ELF2: variants seen among roughly 807,000 people sequenced by gnomAD.
The protein encoded by ELF2 is E74 like ETS transcription factor 2.
Under a neutral mutation model 54.8 loss-of-function variants are expected in ELF2, and 11 were observed. That is an observed-to-expected ratio of 0.20 (90% CI 0.13 to 0.33). The LOEUF (loss-of-function observed/expected upper bound fraction) is 0.33, where lower values mean the gene tolerates loss of function less well. Among genes scored for constraint, ELF2 ranks in the 10% least tolerant of loss-of-function variants. ELF2 has a pLI of 1.00. For synonymous variants in ELF2, 203 were observed against 245.1 expected (o/e 0.83, Z 1.61); for missense variants, 513 against 703.0 (o/e 0.73, Z 3.06).
intron 1 of ELF2, among the ~76,000 whole-genome samples, chr4:139,161,980 G>T (rs1023882939): frequency 6.6e-6 from 1 of 152,152 alleles, no homozygotes; most frequent in African/African-American, 2.4e-5. Context: ...TGTAGTCCCA[G>T]CTACTCAAGA....
chr4:139,165,220 T>C (rs184716126), intron 1 of ELF2, among the ~76,000 whole-genome samples: 2 of 152,350 alleles, frequency 1.3e-5, no homozygotes, highest in East Asian at 1.9e-4. Context: ...TTCCCATCCA[T>C]GTAACTTTCT....
At chr4:139,095,844 A>G (rs1031214760) in intron 4 of ELF2, among the ~76,000 whole-genome samples, 1 of 152,160 alleles carries the variant, frequency 6.6e-6, no homozygotes, top group Non-Finnish European at 1.5e-5. Flanking sequence ...CAGGAGTTCA[A>G]GATCAGCCTG....
intron 3 of ELF2, among the ~76,000 whole-genome samples, chr4:139,135,761 GTCT>G (rs1416739228): frequency 6.6e-6 from 1 of 152,148 alleles, no homozygotes. Flanking sequence ...TAAGGATATA[GTCT>G]TCTTCTGACT....
chr4:139,125,010 C>T (rs1736776291), intron 4 of ELF2, among the ~76,000 whole-genome samples, 154 bp downstream of exon 4: 1 of 152,160 alleles, frequency 6.6e-6, no homozygotes, highest in African/African-American at 2.4e-5. Context: ...TATATCTACA[C>T]AAATTCCCTT....
At chr4:139,071,314 C>CAT (rs1197118740) in intron 6 of ELF2, among the ~76,000 whole-genome samples, 5 of 151,004 alleles carry the variant, frequency 3.3e-5, no homozygotes, top group African/African-American at 7.3e-5. Context: ...TGATATATAT[C>CAT]ATATATATAT....
chr4:139,161,284 T>C (rs1266912896), intron 1 of ELF2, among the ~76,000 whole-genome samples: 2 of 152,160 alleles, frequency 1.3e-5, no homozygotes, highest in African/African-American at 4.8e-5. Context: ...GAAATAAAAA[T>C]AGGAACATCT....
intron 4 of ELF2, among the ~76,000 whole-genome samples, chr4:139,117,323 T>C (rs1238169933): frequency 6.6e-6 from 1 of 152,226 alleles, no homozygotes; most frequent in African/African-American, 2.4e-5. Context: ...CAACAATCAT[T>C]GTCTCCTTGT....
rs556017423 is a variant in ELF2 at position 139,088,711 on chromosome 4, T to TC, written c.239-15145dup. 2.4e-4 allele frequency among the ~76,000 whole-genome samples: 36 copies of TC among 152,100 alleles called. No individual in the cohort carries two copies. The East Asian group carries it at 6.2e-3, about 26-fold the overall frequency. ...CTCCACTCTCTCCAGAATGGTATTA[T>TC]CCCCCCACTAGGGGGATAAAAGTCC... On this transcript the variant is annotated intron_variant, in intron 4 of 9. Coordinates refer to ENST00000686138, the MANE Select transcript of ELF2 (RefSeq NM_001331036.3).
chr4:139,096,082 G>T (rs1022517216), intron 4 of ELF2, among the ~76,000 whole-genome samples: 1 of 152,136 alleles, frequency 6.6e-6, no homozygotes, highest in Non-Finnish European at 1.5e-5. Context: ...CTGCACTCCA[G>T]CCTGGGCAAC....
intron 4 of ELF2, chr4:139,115,062 C>T: frequency 6.2e-7 from 1 of 1,613,972 alleles, no homozygotes; most frequent in South Asian, 1.1e-5. Context: ...CATCGTCACT[C>T]TCCATGTCCA....
chr4:139,110,967 C>A (rs139324408), intron 4 of ELF2, among the ~76,000 whole-genome samples: 31 of 152,236 alleles, frequency 2.0e-4, no homozygotes, highest in African/African-American at 7.2e-4. Context: ...TAAATTAACA[C>A]TGCTGCCAAT....
At chr4:139,139,567 G>A (rs1738505582) in intron 1 of ELF2, 70 bp from the exon 2 acceptor site, 1 of 803,854 alleles carries the variant, frequency 1.2e-6, no homozygotes, top group Non-Finnish European at 1.6e-6. Flanking sequence ...TCAAACAGAT[G>A]TGATTGAGAT....
At chr4:139,069,819 T>TAG (rs1452335365) in intron 6 of ELF2, among the ~76,000 whole-genome samples, 1 of 152,030 alleles carries the variant, frequency 6.6e-6, no homozygotes, top group East Asian at 1.9e-4. Flanking sequence ...TCCCTTATGG[T>TAG]AGTAAGTACA....
chr4:139,060,699 G>T lies in ELF2; in HGVS notation c.807-25C>A, dbSNP rs371165886. ...TCTGTAAGGGGAAAATGTACCAAAT[G>T]AATCAAGTATATTATTTCTTCACCC... On this transcript the variant is annotated intron_variant, in intron 8 of 9. Transcript: ENST00000686138. The T allele has an allele frequency of 3.2e-6, 5 of 1,543,794 alleles. No individual in the cohort carries two copies. In the Admixed American group the frequency reaches 9.6e-5, roughly 30 times the overall value.
intron 4 of ELF2, among the ~76,000 whole-genome samples, chr4:139,124,042 G>GT (rs1476909831): frequency 6.6e-6 from 1 of 151,654 alleles, no homozygotes; most frequent in African/African-American, 2.4e-5. Flanking sequence ...TGGATGCCTG[G>GT]TTTTTTGTTT....
intron 4 of ELF2, among the ~76,000 whole-genome samples, chr4:139,110,491 T>A (rs1016735517): frequency 2.6e-5 from 4 of 152,230 alleles, no homozygotes; most frequent in Non-Finnish European, 5.9e-5. Context: ...AACCATATCA[T>A]AGACAATCAT....
chr4:139,147,477 AT>A (rs541757941), intron 1 of ELF2, among the ~76,000 whole-genome samples: 5 of 151,530 alleles, frequency 3.3e-5, no homozygotes, highest in East Asian at 1.9e-4. Flanking sequence ...CAGTATGGAG[AT>A]TTTTTTTTGT....
At position 139,092,472 on chromosome 4, in the gene ELF2, A is replaced by AT. The variant is rs202094865; in HGVS notation, c.239-18906dup. Among the ~76,000 whole-genome samples, 551 of 151,194 alleles carry AT rather than the reference A, an allele frequency of 3.6e-3. 3 individuals are homozygous for AT. Among genetic ancestry groups the AT allele is most frequent in the African/African-American group, 0.011 (431 of 40,998 alleles). On this transcript the variant is annotated intron_variant, in intron 4 of 9. Coordinates refer to ENST00000686138, the MANE Select transcript of ELF2 (RefSeq NM_001331036.3). Reference sequence around the variant, plus strand: ...ATAACATAACATAACATAACATAACATAGGGCCGGGCGCGGTGGCTCACAC... The same window carrying AT: ...ATAACATAACATAACATAACATAACATTAGGGCCGGGCGCGGTGGCTCACAC...
At chr4:139,177,489 T>G (rs1743095834), upstream of ELF2, among the ~76,000 whole-genome samples, 1 of 151,288 alleles carries the variant, frequency 6.6e-6, no homozygotes, top group Admixed American at 6.6e-5. Flanking sequence ...CTGCTTCTTT[T>G]GCTGTCTTGA....
Sources: gnomAD v4.1 joint callset for allele counts (sites outside exome capture counted in the v4.1 genomes callset) on GRCh38, gnomAD v4.1.1 for gene constraint, MANE v1.5 for transcripts, NCBI Gene and HGNC (gene_info 2026-07-23, HGNC 2026-07-21) for gene names.